STXBP6: variants seen among roughly 807,000 people sequenced by gnomAD.
The protein encoded by STXBP6 is syntaxin binding protein 6.
In STXBP6, 21 loss-of-function variants were observed where a neutral mutation model predicts 26.9. The ratio of observed to expected loss-of-function variants is 0.78; its 90% CI spans 0.55 to 1.12. The LOEUF (loss-of-function observed/expected upper bound fraction) is 1.12, where lower values mean the gene tolerates loss of function less well. Ranked by LOEUF, STXBP6 falls within the 50% of genes most tolerant of loss-of-function variation. The probability of loss-of-function intolerance (pLI) is 0.00; values close to 1 mark genes in which losing one functional copy is unlikely to be tolerated. For missense variants in STXBP6, 232 were observed against 257.9 expected (o/e 0.90, Z 0.69); for synonymous variants, 97 against 92.6 (o/e 1.05, Z -0.27).
At chr14:24,926,862 G>C (rs1357396896) in intron 2 of STXBP6, among the ~76,000 whole-genome samples, 1 of 151,990 alleles carries the variant, frequency 6.6e-6, no homozygotes, top group African/African-American at 2.4e-5. Context: ...GATCAAATGA[G>C]TTAATATAAT....
chr14:24,900,165 T>C (rs953706103), intron 2 of STXBP6, among the ~76,000 whole-genome samples: 1 of 152,226 alleles, frequency 6.6e-6, no homozygotes, highest in African/African-American at 2.4e-5. Context: ...TCTTAGAACC[T>C]ATACTAAGAG....
chr14:24,971,206 T>A (rs531697077), intron 2 of STXBP6, among the ~76,000 whole-genome samples: 1 of 152,184 alleles, frequency 6.6e-6, no homozygotes, highest in African/African-American at 2.4e-5. Context: ...CTAACTCTGA[T>A]CATAAAATGT....
intron 1 of STXBP6, among the ~76,000 whole-genome samples, chr14:25,033,546 T>C (rs966844059): frequency 1.3e-5 from 2 of 152,206 alleles, no homozygotes; most frequent in African/African-American, 4.8e-5. Flanking sequence ...AGAGGGCTTC[T>C]GCCCCTTGCT....
chr14:24,817,781 C>A, intron 5 of STXBP6: 1 of 291,910 alleles, frequency 3.4e-6, no homozygotes, highest in Non-Finnish European at 6.7e-6. Context: ...TCCAGCAGGG[C>A]TGTCTGCATT....
chr14:25,046,995 C>T (rs1056874911), intron 1 of STXBP6, among the ~76,000 whole-genome samples: 8 of 152,294 alleles, frequency 5.3e-5, no homozygotes, highest in Admixed American at 3.9e-4. Context: ...GGACATTTGT[C>T]GTGGGGTGTA....
At chr14:25,015,920 C>T (rs951948077) in intron 1 of STXBP6, among the ~76,000 whole-genome samples, 34 of 152,110 alleles carry the variant, frequency 2.2e-4, no homozygotes, top group Admixed American at 2.0e-3. Flanking sequence ...CACCTTGTAG[C>T]TAAGAGTGTG....
In STXBP6 at chr14:24,823,008, T is replaced by C. The variant is rs377671890; in HGVS notation, c.452-3814A>G. ...CAACAGCATAGTAATTCTTTCTAAA[T>C]AGATAGGAAGCATATTAATACCCAA... On this transcript the variant is annotated intron_variant, in intron 4 of 5. Transcript: ENST00000323944. Among the ~76,000 whole-genome samples, 113 of 152,256 alleles carry C rather than the reference T, an allele frequency of 7.4e-4. 1 individual carries two copies. The highest frequency in any genetic ancestry group is 2.6e-3 in the African/African-American group (108 of 41,578).
At chr14:24,851,387 CT>C (rs2069149417) in intron 4 of STXBP6, among the ~76,000 whole-genome samples, 2 of 149,006 alleles carry the variant, frequency 1.3e-5, no homozygotes, top group Non-Finnish European at 3.0e-5. Flanking sequence ...TCCCTCCCCC[CT>C]CCCCCAACCC....
chr14:24,930,838 G>A (rs1156826761), intron 2 of STXBP6, among the ~76,000 whole-genome samples: 5 of 151,880 alleles, frequency 3.3e-5, no homozygotes, highest in Admixed American at 6.6e-5. Flanking sequence ...CCGGCCGGGC[G>A]CGGTGGCTCA....
chr14:25,000,392 G>A lies in STXBP6; in HGVS notation c.-32-25542C>T, dbSNP rs186057614. Among the ~76,000 whole-genome samples, 32 of 151,080 alleles carry A rather than the reference G, an allele frequency of 2.1e-4. 1 individual carries two copies. The highest frequency in any genetic ancestry group is 2.1e-3 in the Admixed American group (32 of 15,174). On this transcript the variant is annotated intron_variant, in intron 1 of 5. Transcript: ENST00000323944. ...TTTTTTTTTGAAATGTTAGGACTGG[G>A]TTAGGCTCTGGCAGTTTATAGTCTA... is the stretch of plus-strand genomic sequence containing the variant.
Position 25,014,786 on chromosome 14 carries a change from ACT to A in STXBP6, c.-33+35090_-33+35091del, listed in dbSNP as rs572442991. Among the ~76,000 whole-genome samples, 22 of 152,266 alleles carry A rather than the reference ACT, an allele frequency of 1.4e-4. No individual in the cohort carries two copies. In the South Asian group the frequency reaches 3.9e-3, roughly 27 times the overall value. On this transcript the variant is annotated intron_variant, in intron 1 of 5. Transcript: ENST00000323944. Reference sequence around the variant, plus strand: ...TGATAACCAAGAAAGATAAACAAAAACTCTACACAGAAAACTGTTTAAAAAGC... The same window carrying A: ...TGATAACCAAGAAAGATAAACAAAAACTACACAGAAAACTGTTTAAAAAGC...
chr14:24,885,177 AT>A (rs2070530561), intron 2 of STXBP6, among the ~76,000 whole-genome samples: 4 of 152,208 alleles, frequency 2.6e-5, no homozygotes, highest in Non-Finnish European at 5.9e-5. Flanking sequence ...AGTTTCTGTG[AT>A]ATTTCTATTC....
At chr14:24,890,493 A>T (rs1203254850) in intron 2 of STXBP6, among the ~76,000 whole-genome samples, 2 of 152,088 alleles carry the variant, frequency 1.3e-5, no homozygotes, top group East Asian at 1.9e-4. Flanking sequence ...AAGAAAACTA[A>T]AAAAAAATTA....
At chr14:24,926,079 C>G (rs920951069) in intron 2 of STXBP6, among the ~76,000 whole-genome samples, 4 of 152,146 alleles carry the variant, frequency 2.6e-5, no homozygotes, top group Admixed American at 6.5e-5. Context: ...CCAAATAACT[C>G]AGCTCTGCTG....
intron 2 of STXBP6, among the ~76,000 whole-genome samples, chr14:24,861,818 A>T (rs1447086347): frequency 6.6e-6 from 1 of 152,150 alleles, no homozygotes; most frequent in East Asian, 1.9e-4. Context: ...TAGACCCTGC[A>T]GGCTATGTAA....
intron 2 of STXBP6, among the ~76,000 whole-genome samples, chr14:24,961,199 A>G (rs2073525005): frequency 6.6e-6 from 1 of 152,178 alleles, no homozygotes; most frequent in Non-Finnish European, 1.5e-5. Context: ...GTCACTTTTA[A>G]GTGGGAGCTA....
At position 24,812,735 on chromosome 14, in the gene STXBP6, A is replaced by C; in HGVS notation, c.610-3T>G. On this transcript the variant is annotated splice_polypyrimidine_tract_variant and splice_region_variant and intron_variant, in intron 5 of 5. Coordinates refer to ENST00000323944, the MANE Select transcript of STXBP6 (RefSeq NM_001394410.1). ...CAACATTTGTGCTTCATGGCAAGCT[A>C]AGGAGAGAGAGGAATGAGAAAAGTA... The C allele has an allele frequency of 6.2e-7, 1 of 1,613,710 alleles. No individual in the cohort carries two copies. Among genetic ancestry groups the C allele is most frequent in the African/African-American group, 1.3e-5 (1 of 75,036 alleles).
chr14:24,865,535 C>A lies in STXBP6; in HGVS notation c.155-8378G>T, dbSNP rs192636126. 3.3e-5 allele frequency among the ~76,000 whole-genome samples: 5 copies of A among 152,216 alleles called. No individual in the cohort carries two copies. The East Asian group carries it at 9.7e-4, about 29-fold the overall frequency. Reference sequence around the variant, plus strand: ...GACAATTCAGCTGAGTGATTCCCATCATATGTTTGTGAGGAAACTATCTGA... The same window carrying A: ...GACAATTCAGCTGAGTGATTCCCATAATATGTTTGTGAGGAAACTATCTGA... On this transcript the variant is annotated intron_variant, in intron 2 of 5. Transcript: ENST00000323944.
chr14:24,979,186 A>C (rs746261281), intron 1 of STXBP6, among the ~76,000 whole-genome samples: 3 of 152,248 alleles, frequency 2.0e-5, no homozygotes, highest in Non-Finnish European at 4.4e-5. Context: ...CTCTGTTCTG[A>C]TCCCATGTTT....
Sources: allele counts gnomAD v4.1 joint callset (sites outside exome capture counted in the v4.1 genomes callset), GRCh38; gene constraint gnomAD v4.1.1; transcripts MANE v1.5; gene names NCBI Gene and HGNC (gene_info 2026-07-23, HGNC 2026-07-21).